The following DAB1 variants were observed in gnomAD, a reference collection of about 807,000 sequenced individuals.
DAB1 encodes the protein DAB adaptor protein 1.
Under a neutral mutation model 64.6 loss-of-function variants are expected in DAB1, and 15 were observed. The ratio of observed to expected loss-of-function variants is 0.23; its 90% CI spans 0.16 to 0.36. DAB1 has a LOEUF of 0.36. Ranked by LOEUF, DAB1 falls within the 10% of genes least tolerant of loss-of-function variation. The pLI is 1.00. For synonymous variants in DAB1, 235 were observed against 251.9 expected (o/e 0.93, Z 0.64); for missense variants, 596 against 706.7 (o/e 0.84, Z 1.78).
chr1:57,218,515 T>TAAAAAAAAAAAA lies in DAB1; in HGVS notation c.67+72437_67+72448dup, dbSNP rs776398255. On this transcript the variant is annotated intron_variant, in intron 2 of 14. Coordinates refer to ENST00000371236, the MANE Select transcript of DAB1 (RefSeq NM_001365792.1). ...AGCAACATAGTGAGACCCCCATCTC[T>TAAAAAAAAAAAA]AAAAAAAAAAAAAAAAAAAAAAAAA... Among the ~76,000 whole-genome samples, 107 of 71,452 alleles carry TAAAAAAAAAAAA rather than the reference T, an allele frequency of 1.5e-3. 5 individuals carry two copies. Among genetic ancestry groups the TAAAAAAAAAAAA allele is most frequent in the African/African-American group, 6.6e-3 (89 of 13,466 alleles). The allele number at this position is 71,452 out of a possible 152,430, so 46.9% of individuals were successfully genotyped here. A position where few individuals can be genotyped will look rare whatever the true frequency, so the allele number is the denominator to read the frequency against.
chr1:58,492,130 A>C (rs1305440389), intron 3 of DAB1, among the ~76,000 whole-genome samples: 3 of 152,196 alleles, frequency 2.0e-5, no homozygotes, highest in Admixed American at 6.5e-5. Context: ...CCACTCAACC[A>C]CATGGCAACT....
chr1:57,479,946 G>A (rs1281493255), intron 7 of DAB1, among the ~76,000 whole-genome samples: 1 of 152,034 alleles, frequency 6.6e-6, no homozygotes, highest in Non-Finnish European at 1.5e-5. Context: ...GAGGTCAGGA[G>A]ATCGAGACCA....
In DAB1 at chr1:58,536,784, G is replaced by A. The variant is rs1443961363; in HGVS notation, n.33-9449C>T. On this transcript the variant is annotated intron_variant and non_coding_transcript_variant, in intron 1 of 20. Coordinates refer to the DAB1 transcript ENST00000485760. ...ATTCAAAGTTCTGAAAATCATTCCA[G>A]CACATATCACTAAAGCTCAAATGCA... 3.6e-6 allele frequency: 3 copies of A among 842,472 alleles called. No homozygotes were observed. In the South Asian group the frequency reaches 4.2e-5, roughly 12 times the overall value. The allele number at this position is 842,472 out of a possible 1,614,324, so 52.2% of individuals were successfully genotyped here.
At chr1:57,567,369 G>C (rs1223567285) in intron 7 of DAB1, among the ~76,000 whole-genome samples, 1 of 152,136 alleles carries the variant, frequency 6.6e-6, no homozygotes, top group Admixed American at 6.5e-5. Context: ...ACTGGCACAA[G>C]ACAGGGATGC....
At chr1:57,375,025 C>A (rs1019135522) in intron 1 of DAB1, among the ~76,000 whole-genome samples, 3 of 152,130 alleles carry the variant, frequency 2.0e-5, no homozygotes, top group Non-Finnish European at 4.4e-5. Flanking sequence ...CAAATCATAA[C>A]AATAGAACAT....
intron 12 of DAB1, among the ~76,000 whole-genome samples, chr1:57,013,937 AT>A (rs1187765660): frequency 3.3e-5 from 5 of 152,166 alleles, no homozygotes; most frequent in Non-Finnish European, 5.9e-5. Context: ...CAATTCACTT[AT>A]TTTACCAATG....
chr1:57,558,945 T>C (rs1394005176), intron 7 of DAB1, among the ~76,000 whole-genome samples: 1 of 152,180 alleles, frequency 6.6e-6, no homozygotes, highest in African/African-American at 2.4e-5. Context: ...CAGCAGCACC[T>C]GGATCTTTGA....
chr1:57,729,550 C>A (rs1369944519), intron 6 of DAB1, among the ~76,000 whole-genome samples: 1 of 152,210 alleles, frequency 6.6e-6, no homozygotes, highest in East Asian at 1.9e-4. Context: ...CAGAGCAGAG[C>A]AGATAAAAGC....
chr1:57,074,410 C>G (rs763749354), intron 4 of DAB1, among the ~76,000 whole-genome samples: 4 of 152,108 alleles, frequency 2.6e-5, no homozygotes, highest in Non-Finnish European at 4.4e-5. Flanking sequence ...ATTCCATCTT[C>G]CCAAATCCTT....
intron 2 of DAB1, among the ~76,000 whole-genome samples, chr1:58,513,928 G>C (rs1042028267): frequency 6.6e-6 from 1 of 152,192 alleles, no homozygotes; most frequent in Non-Finnish European, 1.5e-5. Flanking sequence ...AAGTAGTCTG[G>C]TGACAGAGTT....
At chr1:57,912,709 A>C (rs1225908237) in intron 5 of DAB1, among the ~76,000 whole-genome samples, 1 of 152,200 alleles carries the variant, frequency 6.6e-6, no homozygotes, top group Non-Finnish European at 1.5e-5. Context: ...GTCTCGGCCC[A>C]AAATCTCCTT....
chr1:57,686,279 C>T (rs1027247763), intron 6 of DAB1, among the ~76,000 whole-genome samples: 7 of 152,102 alleles, frequency 4.6e-5, no homozygotes, highest in African/African-American at 1.4e-4. Flanking sequence ...ACTCTATGCA[C>T]ACAAATTAGA....
intron 7 of DAB1, among the ~76,000 whole-genome samples, chr1:57,585,248 G>T: frequency 2.3e-5 from 1 of 44,284 alleles, no homozygotes; most frequent in African/African-American, 9.5e-5. Flanking sequence ...GACTCTTTCT[G>T]AAAAAAAAAA....
At chr1:58,346,801 A>C (rs1644005023) in intron 3 of DAB1, among the ~76,000 whole-genome samples, 1 of 152,234 alleles carries the variant, frequency 6.6e-6, no homozygotes, top group South Asian at 2.1e-4. Context: ...TGCTAGAAGG[A>C]AACGATGAAA....
At chr1:57,590,642 T>C (rs1290479292) in intron 7 of DAB1, among the ~76,000 whole-genome samples, 3 of 151,830 alleles carry the variant, frequency 2.0e-5, no homozygotes, top group African/African-American at 4.8e-5. Context: ...CTTAATTATT[T>C]TTTCAAAGGC....
chr1:57,421,255 T>C (rs1463856350), intron 1 of DAB1, among the ~76,000 whole-genome samples: 1 of 152,178 alleles, frequency 6.6e-6, no homozygotes, highest in Non-Finnish European at 1.5e-5. Flanking sequence ...CACAATGGTG[T>C]GTCTTGCAAA....
chr1:57,326,884 G>T (rs973573026), intron 1 of DAB1, among the ~76,000 whole-genome samples: 1 of 152,048 alleles, frequency 6.6e-6, no homozygotes, highest in Non-Finnish European at 1.5e-5. Context: ...GAATCTAGGG[G>T]TACACAAACC....
intron 5 of DAB1, among the ~76,000 whole-genome samples, chr1:57,900,937 G>C (rs1644463783): frequency 6.6e-6 from 1 of 152,080 alleles, no homozygotes; most frequent in Non-Finnish European, 1.5e-5. Context: ...GAACACAGCA[G>C]GTGCTTCATA....
At chr1:58,300,544 AAAAGAAAGAAAGAAAGAAAG>A (rs71043285) in intron 4 of DAB1, among the ~76,000 whole-genome samples, 25 of 101,184 alleles carry the variant, frequency 2.5e-4, no homozygotes, top group African/African-American at 6.4e-4. Flanking sequence ...TGAAACTCTG[AAAAGAAAGAAAGAAAGAAAG>A]AAAGAAAGAA....
Sources: allele counts gnomAD v4.1 joint callset (sites outside exome capture counted in the v4.1 genomes callset), GRCh38; gene constraint gnomAD v4.1.1; transcripts MANE v1.5; gene names NCBI Gene and HGNC (gene_info 2026-07-23, HGNC 2026-07-21).